MRPS27: variants seen among roughly 807,000 people sequenced by gnomAD.
The protein encoded by MRPS27 is mitochondrial ribosomal protein S27.
In MRPS27, 43 loss-of-function variants were observed where a neutral mutation model predicts 48.9. That is an observed-to-expected ratio of 0.88 (90% CI 0.69 to 1.13). The LOEUF (loss-of-function observed/expected upper bound fraction) is 1.13. Ranked by LOEUF, MRPS27 falls within the 50% of genes most tolerant of loss-of-function variation. The probability of loss-of-function intolerance (pLI) is 0.00; values close to 1 mark genes in which losing one functional copy is unlikely to be tolerated. For synonymous variants in MRPS27, 188 were observed against 171.9 expected (o/e 1.09, Z -0.73); for missense variants, 467 against 476.3 (o/e 0.98, Z 0.18).
chr5:72,241,621 A>G (rs1561335352), intron 4 of MRPS27: 1 of 1,531,912 alleles, frequency 6.5e-7, no homozygotes, highest in East Asian at 2.4e-5. Context: ...ATGTCAGGTG[A>G]GTGAGTCTCT....
intron 4 of MRPS27, among the ~76,000 whole-genome samples, chr5:72,276,765 C>T (rs1173072032): frequency 1.3e-5 from 2 of 151,970 alleles, no homozygotes; most frequent in Non-Finnish European, 2.9e-5. Flanking sequence ...GGCGTGGTGG[C>T]TCATGCTTGT....
At chr5:72,241,823 T>C in intron 4 of MRPS27, 1 of 767,628 alleles carries the variant, frequency 1.3e-6, no homozygotes, top group Non-Finnish European at 2.1e-6. Flanking sequence ...ACTGTAGGAG[T>C]CCCCTCTGTG....
At position 72,298,731 on chromosome 5, in the gene MRPS27, A is replaced by C. The variant is rs1310750528; in HGVS notation, c.152-1029T>G. Among the ~76,000 whole-genome samples the C allele has an allele frequency of 3.3e-5, 5 of 151,458 alleles. No homozygotes were observed. In the East Asian group the frequency reaches 5.8e-4, roughly 18 times the overall value. On this transcript the variant is annotated intron_variant, in intron 2 of 10. Transcript: ENST00000261413. ...CCGTCTCAAAAAAAAAAACAAAAAA[A>C]AAAAAAACAGAGCTACCATTTGATT...
intron 4 of MRPS27, among the ~76,000 whole-genome samples, chr5:72,250,126 T>C (rs952869823): frequency 6.6e-6 from 1 of 152,256 alleles, no homozygotes; most frequent in Non-Finnish European, 1.5e-5. Flanking sequence ...AACACCCTGA[T>C]AATAAATTTT....
At chr5:72,244,061 A>G (rs1295049353) in intron 4 of MRPS27, among the ~76,000 whole-genome samples, 1 of 152,156 alleles carries the variant, frequency 6.6e-6, no homozygotes, top group African/African-American at 2.4e-5. Flanking sequence ...AATATCATCT[A>G]TTGGTTGGTT....
At chr5:72,306,793 T>C (rs1442171618) in intron 2 of MRPS27, among the ~76,000 whole-genome samples, 3 of 152,162 alleles carry the variant, frequency 2.0e-5, no homozygotes, top group Non-Finnish European at 4.4e-5. Context: ...TCAAAGTACA[T>C]ATAAAAAAAC....
chr5:72,275,965 G>A (rs779546133), intron 4 of MRPS27, among the ~76,000 whole-genome samples: 5 of 151,762 alleles, frequency 3.3e-5, no homozygotes, highest in East Asian at 1.9e-4. Flanking sequence ...GTACTGTGGC[G>A]TGCCTGGGCA....
chr5:72,242,700 ACACACACT>A (rs1748391615), intron 4 of MRPS27, among the ~76,000 whole-genome samples: 1 of 149,882 alleles, frequency 6.7e-6, no homozygotes, highest in Non-Finnish European at 1.5e-5. Context: ...ACACACACAC[ACACACACT>A]CACGGCACTC....
chr5:72,232,710 T>C, intron 6 of MRPS27, 152 bp from the exon 7 acceptor site: 1 of 585,390 alleles, frequency 1.7e-6, no homozygotes, highest in Middle Eastern at 4.8e-4. Context: ...GCTCTGGCCC[T>C]AGTTCTTCCA....
At chr5:72,228,586 T>G (rs377464604) in intron 7 of MRPS27, 16 of 392,704 alleles carry the variant, frequency 4.1e-5, no homozygotes, top group African/African-American at 3.1e-4. Flanking sequence ...AATGGATTTT[T>G]GGGCAGTGAA....
At chr5:72,296,139 T>C (rs115918911) in intron 3 of MRPS27, among the ~76,000 whole-genome samples, 164 of 152,240 alleles carry the variant, frequency 1.1e-3, no homozygotes, top group African/African-American at 3.9e-3. Context: ...CCATAAAATC[T>C]CTGAGTATGC....
intron 4 of MRPS27, among the ~76,000 whole-genome samples, chr5:72,282,553 A>G (rs1749558246): frequency 6.6e-6 from 1 of 152,202 alleles, no homozygotes; most frequent in South Asian, 2.1e-4. Flanking sequence ...ACTGTAGAAA[A>G]AAAAGAACTT....
At chr5:72,223,487 AC>A (rs1344406744) in intron 10 of MRPS27, among the ~76,000 whole-genome samples, 195 bp downstream of exon 10, 1 of 152,244 alleles carries the variant, frequency 6.6e-6, no homozygotes, top group Non-Finnish European at 1.5e-5. Flanking sequence ...TAGCTCAAGT[AC>A]AAAAAGGAGC....
At position 72,318,748 on chromosome 5, in the gene MRPS27, C is replaced by T. The variant is rs143727351; in HGVS notation, c.73+1401G>A. On this transcript the variant is annotated intron_variant, in intron 1 of 10. Coordinates refer to ENST00000261413, the MANE Select transcript of MRPS27 (RefSeq NM_015084.3). The stretch of plus-strand genomic sequence containing the variant: ...GGCAGAGGCTGCAGTAAGCCGAGAT[C>T]GTGCCATTGCACTCTAACCTGGGCA... 9.6e-3 allele frequency among the ~76,000 whole-genome samples: 1,427 copies of T among 148,660 alleles called. 20 individuals are homozygous for T. Among genetic ancestry groups the T allele is most frequent in the Middle Eastern group, 0.021 (6 of 290 alleles).
intron 2 of MRPS27, among the ~76,000 whole-genome samples, chr5:72,313,136 C>A (rs994561616): frequency 6.6e-6 from 1 of 152,138 alleles, no homozygotes; most frequent in South Asian, 2.1e-4. Context: ...TGCACATACA[C>A]CCATCTCAGA....
intron 4 of MRPS27, among the ~76,000 whole-genome samples, chr5:72,292,641 C>T (rs1749858271): frequency 6.6e-6 from 1 of 152,234 alleles, no homozygotes; most frequent in Admixed American, 6.5e-5. Context: ...GCTCAATCAG[C>T]TCTTCACTGA....
chr5:72,298,095 T>TC (rs1319662801), intron 2 of MRPS27, among the ~76,000 whole-genome samples: 1 of 151,998 alleles, frequency 6.6e-6, no homozygotes, highest in Non-Finnish European at 1.5e-5. Flanking sequence ...AAACAGACAA[T>TC]CTACAGAATG....
In MRPS27 at chr5:72,298,125, T is replaced by C. The variant is rs191491216; in HGVS notation, c.152-423A>G. Among the ~76,000 whole-genome samples, 82 of 152,282 alleles carry C rather than the reference T, an allele frequency of 5.4e-4. 1 individual carries two copies. The highest frequency in any genetic ancestry group is 1.9e-3 in the African/African-American group (78 of 41,550). On this transcript the variant is annotated intron_variant, in intron 2 of 10. Transcript: ENST00000261413. ...AGAATGGGAGAAAATATTCACAAACTACGCATCCGACAAAGGTCTAACACC... is the reference window on the plus strand; with the variant it reads ...AGAATGGGAGAAAATATTCACAAACCACGCATCCGACAAAGGTCTAACACC...
chr5:72,319,537 CTTTTTT>C (rs35020848), intron 1 of MRPS27, among the ~76,000 whole-genome samples: 1 of 84,204 alleles, frequency 1.2e-5, no homozygotes, highest in South Asian at 4.1e-4. Flanking sequence ...TAGGTTTTTC[CTTTTTT>C]TTTTTTTTTT....
Sources: gnomAD v4.1 joint callset for allele counts (sites outside exome capture counted in the v4.1 genomes callset) on GRCh38, gnomAD v4.1.1 for gene constraint, MANE v1.5 for transcripts, NCBI Gene and HGNC (gene_info 2026-07-23, HGNC 2026-07-21) for gene names.